UGT2B17: variants seen among roughly 807,000 people sequenced by gnomAD.
UGT2B17 encodes the protein UDP glucuronosyltransferase family 2 member B17, also known as UDP-glucuronosyltransferase 2B17.
Under a neutral mutation model 48.2 loss-of-function variants are expected in UGT2B17, and 21 were observed. The observed-to-expected ratio is 0.44, with a 90% CI of 0.31 to 0.63. UGT2B17 has a LOEUF of 0.63. UGT2B17 is among the 20% of genes least tolerant of loss of function. UGT2B17 has a pLI of 0.08. For synonymous variants in UGT2B17, 146 were observed against 238.4 expected (o/e 0.61, Z 3.57); for missense variants, 402 against 696.1 (o/e 0.58, Z 4.75).
At chr4:68,556,938 G>A (rs1731012087) in intron 4 of UGT2B17, among the ~76,000 whole-genome samples, 1 of 123,892 alleles carries the variant, frequency 8.1e-6, no homozygotes, top group African/African-American at 2.7e-5. Context: ...GTTTTTTTCT[G>A]ACCTAAGTAA....
intron 3 of UGT2B17, among the ~76,000 whole-genome samples, chr4:68,564,684 A>C (rs1183338801): frequency 8.1e-6 from 1 of 123,924 alleles, no homozygotes; most frequent in African/African-American, 2.8e-5. Context: ...TTAATGCAAG[A>C]CTTTACTTTT....
At chr4:68,544,505 G>T (rs1244238819) in intron 6 of UGT2B17, among the ~76,000 whole-genome samples, 3 of 126,202 alleles carry the variant, frequency 2.4e-5, no homozygotes, top group African/African-American at 8.1e-5. Context: ...AAATGATAAA[G>T]ACCACTGAGG....
chr4:68,542,804 T>C (rs1193369509), intron 6 of UGT2B17, among the ~76,000 whole-genome samples: 1 of 127,290 alleles, frequency 7.9e-6, no homozygotes, highest in Non-Finnish European at 1.7e-5. Context: ...ATCGCGCACC[T>C]GGCTCAGAGG....
chr4:68,568,787 T>C (rs1318263149), intron 1 of UGT2B17, among the ~76,000 whole-genome samples: 1 of 127,228 alleles, frequency 7.9e-6, no homozygotes, highest in African/African-American at 2.7e-5. Flanking sequence ...GAAGAAGTAA[T>C]TATACAACTC....
Position 68,560,813 on chromosome 4 carries a change from A to G in UGT2B17, c.874-145T>C, listed in dbSNP as rs533566122. 3.1e-4 allele frequency: 210 copies of G among 675,880 alleles called. 14 individuals carry two copies. Among genetic ancestry groups the G allele is most frequent in the Middle Eastern group, 2.4e-3 (5 of 2,052 alleles). 41.9% of individuals were successfully genotyped at this position (675,880 alleles called of 1,614,324 possible). A position where few individuals can be genotyped will look rare whatever the true frequency, so the allele number is the denominator to read the frequency against. On this transcript the variant is annotated intron_variant, in intron 3 of 6. Coordinates refer to ENST00000317746, the MANE Select transcript of UGT2B17 (RefSeq NM_001077.4). ...CTGACCTAATCATTCAGTTTCTTTG[A>G]AAGGAGATGTGTAATATAATATATG... is the stretch of plus-strand genomic sequence containing the variant.
rs1156305346 is a variant in UGT2B17 at position 68,545,311 on chromosome 4, C to T, written c.1313+5366G>A. On this transcript the variant is annotated intron_variant, in intron 6 of 6. Coordinates refer to ENST00000317746, the MANE Select transcript of UGT2B17 (RefSeq NM_001077.4). ...AACTACATGGAAACTGAACAACCTGCTTCTGAATGACTACTGGGTACATAA... is the reference window on the plus strand; with the variant it reads ...AACTACATGGAAACTGAACAACCTGTTTCTGAATGACTACTGGGTACATAA... Among the ~76,000 whole-genome samples, 11 of 126,416 alleles carry T rather than the reference C, an allele frequency of 8.7e-5. 1 individual carries two copies. The highest frequency in any genetic ancestry group is 2.4e-4 in the African/African-American group (9 of 36,926). The allele number at this position is 126,416 out of a possible 152,430, so 82.9% of individuals were successfully genotyped here. A position where few individuals can be genotyped will look rare whatever the true frequency, so the allele number is the denominator to read the frequency against.
At position 68,555,806 on chromosome 4, in the gene UGT2B17, T is replaced by G. The variant is rs1219954412; in HGVS notation, c.1006-3895A>C. Among the ~76,000 whole-genome samples, 6 of 125,302 alleles carry G rather than the reference T, an allele frequency of 4.8e-5. 1 individual carries two copies. The highest frequency in any genetic ancestry group is 3.3e-4 in the Admixed American group (4 of 12,172). The allele number at this position is 125,302 out of a possible 152,430, so 82.2% of individuals were successfully genotyped here. On this transcript the variant is annotated intron_variant, in intron 4 of 6. Coordinates refer to ENST00000317746, the MANE Select transcript of UGT2B17 (RefSeq NM_001077.4). ...TTCTTTCCAAAAAAAAGTGCATCTT[T>G]TTTAAAAAGGTGAAGAAGTGTTGTC...
In UGT2B17 at chr4:68,552,828, C is replaced by CT. The variant is rs1232893147; in HGVS notation, c.1006-918dup. On this transcript the variant is annotated intron_variant, in intron 4 of 6. Transcript: ENST00000317746. ...AAAAGTTTATTTTGCTGTACAACTCCTTTTTTTTTGTTTTTTATTTTTTTT... is the reference window on the plus strand; with the variant it reads ...AAAAGTTTATTTTGCTGTACAACTCCTTTTTTTTTTGTTTTTTATTTTTTTT... Among the ~76,000 whole-genome samples the CT allele has an allele frequency of 3.3e-5, 4 of 123,048 alleles. 1 individual carries two copies. The highest frequency in any genetic ancestry group is 1.7e-4 in the Admixed American group (2 of 11,942). The allele number at this position is 123,048 out of a possible 152,430, so 80.7% of individuals were successfully genotyped here.
chr4:68,556,405 G>A (rs1242569645), intron 4 of UGT2B17, among the ~76,000 whole-genome samples: 2 of 123,836 alleles, frequency 1.6e-5, no homozygotes, highest in African/African-American at 5.5e-5. Context: ...CTCAAGTTCT[G>A]TTTGTTGTGG....
intron 4 of UGT2B17, among the ~76,000 whole-genome samples, chr4:68,555,757 T>TC (rs1730988827): frequency 8.1e-6 from 1 of 123,102 alleles, no homozygotes; most frequent in Non-Finnish European, 1.7e-5. Flanking sequence ...TGGGTATTTT[T>TC]AAAAAAAAAT....
At chr4:68,554,431 C>G (rs1378468517) in intron 4 of UGT2B17, among the ~76,000 whole-genome samples, 1 of 125,236 alleles carries the variant, frequency 8.0e-6, no homozygotes, top group Non-Finnish European at 1.7e-5. Flanking sequence ...TAAGTTCTCT[C>G]TTTTTTAAAA....
At chr4:68,566,916 C>T (rs1353171679) in intron 2 of UGT2B17, among the ~76,000 whole-genome samples, 4 of 110,676 alleles carry the variant, frequency 3.6e-5, no homozygotes, top group African/African-American at 1.3e-4. Flanking sequence ...GTCCCTTGAT[C>T]CTTGGTTCTC....
At chr4:68,562,198 C>T (rs1731115680) in intron 3 of UGT2B17, among the ~76,000 whole-genome samples, 1 of 124,422 alleles carries the variant, frequency 8.0e-6, no homozygotes, top group Non-Finnish European at 1.7e-5. Context: ...TCATTGCGAC[C>T]TCTGCCTCCC....
At position 68,538,444 on chromosome 4, in the gene UGT2B17, G is replaced by A. The variant is rs534461712; in HGVS notation, c.1314-540C>T. On this transcript the variant is annotated intron_variant, in intron 6 of 6. Transcript: ENST00000317746. The stretch of plus-strand genomic sequence containing the variant: ...TTTTTAGATATGAGGTCTTGCTGTA[G>A]TGCCCATACTCATCTGGAACTCCTG... Among the ~76,000 whole-genome samples, 7 of 124,156 alleles carry A rather than the reference G, an allele frequency of 5.6e-5. 1 individual carries two copies. Among genetic ancestry groups the A allele is most frequent in the African/African-American group, 1.9e-4 (7 of 36,348 alleles). The allele number at this position is 124,156 out of a possible 152,430, so 81.5% of individuals were successfully genotyped here.
At position 68,547,713 on chromosome 4, in the gene UGT2B17, T is replaced by C. The variant is rs1730842334; in HGVS notation, c.1313+2964A>G. Among the ~76,000 whole-genome samples, 2 of 88,964 alleles carry C rather than the reference T, an allele frequency of 2.2e-5. 1 individual carries two copies. The highest frequency in any genetic ancestry group is 5.9e-5 in the African/African-American group (2 of 33,936). The allele number at this position is 88,964 out of a possible 152,430, so 58.4% of individuals were successfully genotyped here. ...CTAATATCCAGAATCTACAATGAAC[T>C]CAAACAAATTTACAAGAAAAAAACA... On this transcript the variant is annotated intron_variant, in intron 6 of 6. Coordinates refer to ENST00000317746, the MANE Select transcript of UGT2B17 (RefSeq NM_001077.4).
intron 4 of UGT2B17, among the ~76,000 whole-genome samples, chr4:68,555,866 C>G (rs1209714945): frequency 9.1e-6 from 1 of 109,296 alleles, no homozygotes; most frequent in Non-Finnish European, 1.9e-5. Context: ...ATGTATAAAA[C>G]AAGGTAAAAG....
At position 68,575,272 on chromosome 4, in the gene UGT2B17, T is replaced by A. The variant is rs376722993; in HGVS notation, c.-65+679A>T. On this transcript the variant is annotated intron_variant, in intron 1 of 6. Transcript: ENST00000317746. The stretch of plus-strand genomic sequence containing the variant: ...TTCTCTTAACTATTGTGAGGGGGGG[T>A]GGGGGGAAGGGGTCTAAAACCAGCT... Among the ~76,000 whole-genome samples the A allele has an allele frequency of 3.4e-4, 9 of 26,322 alleles. 1 individual carries two copies. Among genetic ancestry groups the A allele is most frequent in the Admixed American group, 2.9e-3 (6 of 2,104 alleles). 17.3% of individuals were successfully genotyped at this position (26,322 alleles called of 152,430 possible). A position where few individuals can be genotyped will look rare whatever the true frequency, so the allele number is the denominator to read the frequency against.
chr4:68,569,056 G>A lies in UGT2B17; in HGVS notation c.-64-508C>T, dbSNP rs558620979. On this transcript the variant is annotated intron_variant, in intron 1 of 6. Coordinates refer to ENST00000317746, the MANE Select transcript of UGT2B17 (RefSeq NM_001077.4). ...ATCTAATTTCTATCTCTATAGATTA[G>A]CATTTTCTGGACCCTTTAAAAAATA... Among the ~76,000 whole-genome samples the A allele has an allele frequency of 2.2e-4, 29 of 131,980 alleles. 3 individuals are homozygous for A. In the South Asian group the frequency reaches 5.6e-3, roughly 25 times the overall value. The allele number at this position is 131,980 out of a possible 152,430, so 86.6% of individuals were successfully genotyped here.
At position 68,565,516 on chromosome 4, in the gene UGT2B17, T is replaced by A. The variant is rs532801792; in HGVS notation, c.873+56A>T. The A allele has an allele frequency of 5.9e-4, 756 of 1,276,160 alleles. 189 individuals are homozygous for A. Among genetic ancestry groups the A allele is most frequent in the South Asian group, 4.6e-3 (231 of 50,108 alleles). The allele number at this position is 1,276,160 out of a possible 1,614,324, so 79.1% of individuals were successfully genotyped here. A position where few individuals can be genotyped will look rare whatever the true frequency, so the allele number is the denominator to read the frequency against. Reference sequence around the variant, plus strand: ...AGTTAAACACTCTGAAAGAAACATATCCAGCCATTCCTTCTGAAAATGTCA... The same window carrying A: ...AGTTAAACACTCTGAAAGAAACATAACCAGCCATTCCTTCTGAAAATGTCA... On this transcript the variant is annotated intron_variant, in intron 3 of 6. Coordinates refer to ENST00000317746, the MANE Select transcript of UGT2B17 (RefSeq NM_001077.4).
Sources: allele counts gnomAD v4.1 joint callset (sites outside exome capture counted in the v4.1 genomes callset), GRCh38; gene constraint gnomAD v4.1.1; transcripts MANE v1.5; gene names NCBI Gene and HGNC (gene_info 2026-07-23, HGNC 2026-07-21).